FGD5: variants seen among roughly 807,000 people sequenced by gnomAD.
FGD5 encodes the protein FYVE, RhoGEF and PH domain containing 5.
In FGD5, 28 loss-of-function variants were observed where a neutral mutation model predicts 133.4. The observed-to-expected ratio is 0.21, with a 90% CI of 0.16 to 0.29. FGD5 has a LOEUF of 0.29. Ranked by LOEUF, FGD5 falls within the 10% of genes least tolerant of loss-of-function variation. The pLI is 1.00. For missense variants in FGD5, 1,858 were observed against 1,895.2 expected, an observed-to-expected ratio of 0.98 and a Z score of 0.36; for synonymous variants, 810 against 776.5, an observed-to-expected ratio of 1.04 and a Z score of -0.72.
intron 2 of FGD5, among the ~76,000 whole-genome samples, chr3:14,868,193 T>A (rs956957551): frequency 6.6e-6 from 1 of 151,902 alleles, no homozygotes; most frequent in Non-Finnish European, 1.5e-5. Flanking sequence ...TCCCTGACAA[T>A]GAGTCTAATG....
intron 10 of FGD5, 127 bp from the exon 11 acceptor site, chr3:14,910,734 T>G (rs1273000012): frequency 1.5e-5 from 11 of 733,614 alleles, no homozygotes; most frequent in Non-Finnish European, 2.2e-5. Context: ...AAGTTTCCAC[T>G]CAGGGGCCTC....
At chr3:14,814,001 C>G (rs929031582), upstream of FGD5, among the ~76,000 whole-genome samples, 1 of 152,148 alleles carries the variant, frequency 6.6e-6, no homozygotes, top group African/African-American at 2.4e-5. Context: ...TCCCCCACCC[C>G]CTAGTTAACT....
intron 2 of FGD5, among the ~76,000 whole-genome samples, chr3:14,873,336 G>T (rs1332406963): frequency 1.3e-5 from 2 of 152,208 alleles, no homozygotes; most frequent in Non-Finnish European, 2.9e-5. Context: ...AGTGGAAGGG[G>T]TCTATGTTGT....
chr3:14,815,530 G>A (rs2036355350), upstream of FGD5, among the ~76,000 whole-genome samples: 1 of 152,090 alleles, frequency 6.6e-6, no homozygotes, highest in Non-Finnish European at 1.5e-5. Flanking sequence ...ATTAGGGCCT[G>A]GCACATAGTT....
At chr3:14,886,379 T>A (rs951639998) in intron 4 of FGD5, among the ~76,000 whole-genome samples, 2 of 152,224 alleles carry the variant, frequency 1.3e-5, no homozygotes, top group African/African-American at 4.8e-5. Flanking sequence ...GGACCTGGGC[T>A]GAAGGGGCAG....
intron 1 of FGD5, among the ~76,000 whole-genome samples, chr3:14,843,291 C>G (rs1454001868): frequency 6.6e-6 from 1 of 152,188 alleles, no homozygotes; most frequent in Non-Finnish European, 1.5e-5. Flanking sequence ...TGAGAGCCCC[C>G]TGGGTCTCTG....
intron 4 of FGD5, among the ~76,000 whole-genome samples, chr3:14,881,344 C>G (rs146683196): frequency 6.6e-5 from 10 of 152,210 alleles, no homozygotes; most frequent in Non-Finnish European, 8.8e-5. Context: ...CAGAGTGTCC[C>G]TTTGCAGTCA....
intron 2 of FGD5, among the ~76,000 whole-genome samples, chr3:14,872,767 G>A (rs2037636640): frequency 6.6e-6 from 1 of 152,212 alleles, no homozygotes; most frequent in Admixed American, 6.5e-5. Context: ...AGTCCATGGT[G>A]GGTGGTCTCT....
At chr3:14,908,393 G>A (rs1656447) in intron 10 of FGD5, among the ~76,000 whole-genome samples, 12,632 of 152,084 alleles carry the variant, frequency 0.083, 975 homozygotes, top group East Asian at 0.42. Context: ...TAGACCTTCC[G>A]AGGCTCTGTT....
chr3:14,810,777 G>C, upstream of FGD5: 1 of 981,118 alleles, frequency 1.0e-6, no homozygotes, highest in Non-Finnish European at 1.2e-6. Context: ...CGCGGAGGGA[G>C]GCGGTGTGCG....
rs202010328 is a variant in FGD5 at position 14,820,164 on chromosome 3, C to T, written c.1093C>T (p.Leu365Phe). The change falls in exon 1 of 20, where the codon CTT becomes TTT. Residue 365 changes from leucine (L) to phenylalanine (F), a missense_variant. Transcript: ENST00000285046. ...TSFCSESCSPLSESAKGLESE... is the reference protein window; with the variant it reads ...TSFCSESCSPFSESAKGLESE... ...TTTTTGCAGCGAGAGCTGTTCTCCT[C>T]TTTCTGAATCAGCGAAAGGTTTAGA... 205 of 1,614,008 alleles carry T rather than the reference C, an allele frequency of 1.3e-4. No individual in the cohort carries two copies. Among genetic ancestry groups the T allele is most frequent in the Non-Finnish European group, 3.2e-5 (38 of 1,179,870 alleles).
rs995276801 is a variant in FGD5, at chr3:14,934,379, A to G, written c.*1212A>G. 5.9e-5 allele frequency: 9 copies of G among 152,278 alleles called. No homozygotes were observed. In the East Asian group the frequency reaches 1.2e-3, roughly 20 times the overall value. 9.4% of individuals were successfully genotyped at this position (152,278 alleles called of 1,614,324 possible). ...GTTACTCTTACTGCAATAAAAATCAATTGTTTGATATCCTGTCCCCATTCT... is the reference window on the plus strand; with the variant it reads ...GTTACTCTTACTGCAATAAAAATCAGTTGTTTGATATCCTGTCCCCATTCT... On this transcript the variant is annotated 3_prime_UTR_variant, in exon 20 of 20. Coordinates refer to ENST00000285046, the MANE Select transcript of FGD5 (RefSeq NM_152536.4).
chr3:14,892,795 G>A (rs929773070), intron 4 of FGD5, among the ~76,000 whole-genome samples: 12 of 149,140 alleles, frequency 8.0e-5, no homozygotes, highest in Admixed American at 3.4e-4. Flanking sequence ...CTCCAGACTG[G>A]GCAACAAGAG....
In FGD5 at chr3:14,820,328, G is replaced by A; in HGVS notation, c.1257G>A (p.Glu419=). 1 of 1,610,610 alleles carries A rather than the reference G, an allele frequency of 6.2e-7. No individual in the cohort carries two copies. Among genetic ancestry groups the A allele is most frequent in the Non-Finnish European group, 8.5e-7 (1 of 1,177,918 alleles). ...CTGATGTGGTGGTCGTGCTGGAGGAGGAGGCCTTGGATGATGCACTGGCCA... is the reference window on the plus strand; with the variant it reads ...CTGATGTGGTGGTCGTGCTGGAGGAAGAGGCCTTGGATGATGCACTGGCCA... ...AAPDVVVVLE[E]EALDDALANP... The change falls in exon 1 of 20, where the codon GAG becomes GAA. Residue 419 remains glutamate, a synonymous_variant. Coordinates refer to ENST00000285046, the MANE Select transcript of FGD5 (RefSeq NM_152536.4).
At chr3:14,872,763 T>C (rs907139236) in intron 2 of FGD5, among the ~76,000 whole-genome samples, 4 of 152,174 alleles carry the variant, frequency 2.6e-5, no homozygotes, top group Non-Finnish European at 4.4e-5. Context: ...AGCCAGTCCA[T>C]GGTGGGTGGT....
intron 18 of FGD5, among the ~76,000 whole-genome samples, chr3:14,928,142 A>T (rs1050593748): frequency 6.6e-6 from 1 of 151,840 alleles, no homozygotes; most frequent in East Asian, 1.9e-4. Context: ...AGGTTTCACC[A>T]TGTTGGCCAG....
chr3:14,842,471 C>T (rs1411587116), intron 1 of FGD5, among the ~76,000 whole-genome samples: 2 of 152,234 alleles, frequency 1.3e-5, no homozygotes, highest in Non-Finnish European at 2.9e-5. Context: ...AGGCCTCTCA[C>T]ACTGGTCAGG....
At chr3:14,912,141 G>A (rs757741586) in intron 11 of FGD5, among the ~76,000 whole-genome samples, 22 of 152,128 alleles carry the variant, frequency 1.4e-4, no homozygotes, top group Admixed American at 3.3e-4. Flanking sequence ...GGCCCTACCC[G>A]TAGAGGGGCC....
In FGD5 at chr3:14,922,277, G is replaced by A; in HGVS notation, c.3670-134G>A. The A allele has an allele frequency of 7.7e-7, 1 of 1,294,662 alleles. No homozygotes were observed. The highest frequency in any genetic ancestry group is 1.1e-6 in the Non-Finnish European group (1 of 938,322). The allele number at this position is 1,294,662 out of a possible 1,614,324, so 80.2% of individuals were successfully genotyped here. On this transcript the variant is annotated intron_variant, in intron 14 of 19. Coordinates refer to ENST00000285046, the MANE Select transcript of FGD5 (RefSeq NM_152536.4). The surrounding 1 kb of genome is among the most constrained non-coding windows in gnomAD (Gnocchi z 4.1). ...GAGCATCCTGGAGGGTGCAGGAGAG[G>A]CCTTTCACATCAGACCCACTCACCC...
Sources: allele counts gnomAD v4.1 joint callset (sites outside exome capture counted in the v4.1 genomes callset), GRCh38; gene constraint gnomAD v4.1.1; non-coding constraint Gnocchi (gnomAD v3.1); transcripts MANE v1.5; gene names NCBI Gene and HGNC (gene_info 2026-07-23, HGNC 2026-07-21).